The following PBX1 variants were observed in gnomAD, a reference collection of about 807,000 sequenced individuals.
PBX1 encodes PBX homeobox 1, also known as pre-B-cell leukemia transcription factor 1.
A neutral mutation model predicts 53.4 loss-of-function variants in PBX1; 6 were observed. The ratio of observed to expected loss-of-function variants is 0.11; its 90% confidence interval spans 0.06 to 0.22. The LOEUF (loss-of-function observed/expected upper bound fraction) is 0.22, where lower values mean the gene tolerates loss of function less well. Ranked by LOEUF, PBX1 falls within the 10% of genes least tolerant of loss-of-function variation. The pLI is 1.00. For synonymous variants in PBX1, 204 were observed against 212.3 expected (o/e 0.96, Z 0.34); for missense variants, 251 against 551.4 (o/e 0.46, Z 5.46).
chr1:164,627,284 T>C (rs1658109627), intron 2 of PBX1, among the ~76,000 whole-genome samples: 1 of 152,170 alleles, frequency 6.6e-6, no homozygotes, highest in Non-Finnish European at 1.5e-5. Context: ...TAGCCAAAGC[T>C]TTAACTCAGT....
At chr1:164,823,622 G>GT (rs537175736) in intron 8 of PBX1, among the ~76,000 whole-genome samples, 23 of 133,328 alleles carry the variant, frequency 1.7e-4, no homozygotes, top group Non-Finnish European at 9.6e-5. Context: ...GGGGGTGGGG[G>GT]GGGGGGTCAA....
At chr1:164,571,871 T>TTGTATG (rs1215844246) in intron 2 of PBX1, among the ~76,000 whole-genome samples, 2 of 59,962 alleles carry the variant, frequency 3.3e-5, no homozygotes, top group African/African-American at 1.3e-4. Context: ...AATCTGTACA[T>TTGTATG]TGTATATATA....
intron 6 of PBX1, chr1:164,816,592 A>G (rs2102355456): frequency 6.6e-6 from 1 of 152,262 alleles, no homozygotes; most frequent in Non-Finnish European, 1.5e-5. Flanking sequence ...GACATTTGGT[A>G]CTATCTGGAG....
intron 2 of PBX1, among the ~76,000 whole-genome samples, chr1:164,599,823 A>G (rs1656037150): frequency 6.6e-6 from 1 of 152,218 alleles, no homozygotes; most frequent in Admixed American, 6.5e-5. Flanking sequence ...TTTGCTAAGC[A>G]AAGAGCTGGC....
intron 2 of PBX1, among the ~76,000 whole-genome samples, chr1:164,588,104 A>G (rs1051588085): frequency 2.0e-5 from 3 of 152,132 alleles, no homozygotes; most frequent in Non-Finnish European, 4.4e-5. Flanking sequence ...GCGGGCCCCA[A>G]ATGATTGAAT....
intron 2 of PBX1, among the ~76,000 whole-genome samples, chr1:164,568,557 GAATT>G (rs1415438003): frequency 6.6e-6 from 1 of 152,200 alleles, no homozygotes; most frequent in Non-Finnish European, 1.5e-5. Context: ...AATAAGTAGA[GAATT>G]CATGAGTTGT....
intron 2 of PBX1, among the ~76,000 whole-genome samples, chr1:164,783,520 T>A (rs1668029089): frequency 6.6e-6 from 1 of 152,256 alleles, no homozygotes; most frequent in Admixed American, 6.5e-5. Context: ...TCCTGCTTTT[T>A]TATTCTTCCC....
intron 2 of PBX1, among the ~76,000 whole-genome samples, chr1:164,600,684 C>T (rs980971040): frequency 2.0e-5 from 3 of 152,152 alleles, no homozygotes; most frequent in Non-Finnish European, 4.4e-5. Context: ...GTTAAAGCAC[C>T]GGGCTAGTAA....
intron 2 of PBX1, among the ~76,000 whole-genome samples, chr1:164,637,289 A>G (rs1364664539): frequency 2.0e-5 from 3 of 152,222 alleles, no homozygotes; most frequent in African/African-American, 7.2e-5. Flanking sequence ...AACTCTATAT[A>G]GTGCCTCCTA....
chr1:164,629,902 A>G (rs1180593519), intron 2 of PBX1, among the ~76,000 whole-genome samples: 5 of 152,230 alleles, frequency 3.3e-5, no homozygotes, highest in East Asian at 3.8e-4. Context: ...ATGCTTGTAT[A>G]TATGACTACA....
intron 2 of PBX1, among the ~76,000 whole-genome samples, chr1:164,726,150 A>G (rs903195604): frequency 2.6e-5 from 4 of 152,244 alleles, no homozygotes; most frequent in Admixed American, 1.3e-4. Context: ...TGGAATGATC[A>G]GAGTTTGTGC....
chr1:164,778,747 T>A (rs1433205617), intron 2 of PBX1, among the ~76,000 whole-genome samples: 1 of 152,172 alleles, frequency 6.6e-6, no homozygotes, highest in Non-Finnish European at 1.5e-5. Flanking sequence ...GAAATGAAAT[T>A]CTGCAAAAGG....
chr1:164,817,221 A>T (rs1395144603), intron 6 of PBX1: 1 of 152,228 alleles, frequency 6.6e-6, no homozygotes, highest in African/African-American at 2.4e-5. Context: ...CAGCAAGCCA[A>T]GTCTTTCTGT....
At chr1:164,614,359 A>G (rs1255257580) in intron 2 of PBX1, among the ~76,000 whole-genome samples, 1 of 152,162 alleles carries the variant, frequency 6.6e-6, no homozygotes, top group Admixed American at 6.5e-5. Flanking sequence ...CGGTAGTTCT[A>G]AAGTATCTAG....
intron 8 of PBX1, among the ~76,000 whole-genome samples, chr1:164,823,548 T>C (rs1670269869): frequency 6.9e-6 from 1 of 145,952 alleles, no homozygotes; most frequent in South Asian, 2.2e-4. Flanking sequence ...GACACTGCTG[T>C]TATTTGGCGT....
intron 2 of PBX1, among the ~76,000 whole-genome samples, chr1:164,647,795 A>T (rs1346538020): frequency 6.8e-6 from 1 of 146,550 alleles, no homozygotes; most frequent in African/African-American, 2.5e-5. Context: ...GAGCATCTGT[A>T]TTTTCTCAAA....
chr1:164,648,861 G>A (rs1659618921), intron 2 of PBX1, among the ~76,000 whole-genome samples: 1 of 152,216 alleles, frequency 6.6e-6, no homozygotes, highest in Admixed American at 6.5e-5. Context: ...TCTAGCCCCA[G>A]GGGCAGGCTT....
intron 2 of PBX1, among the ~76,000 whole-genome samples, chr1:164,870,591 G>A (rs980724468): frequency 2.6e-5 from 4 of 151,778 alleles, no homozygotes; most frequent in South Asian, 4.2e-4. Flanking sequence ...TGATCCACCC[G>A]CCTTGGCCTC....
chr1:164,663,977 T>C (rs1489336), intron 2 of PBX1, among the ~76,000 whole-genome samples: 1 of 152,036 alleles, frequency 6.6e-6, no homozygotes, highest in Non-Finnish European at 1.5e-5. Context: ...TCAAACAGTC[T>C]CCCCATTTGT....
Sources: allele counts gnomAD v4.1 joint callset (sites outside exome capture counted in the v4.1 genomes callset), GRCh38; gene constraint gnomAD v4.1.1; transcripts MANE v1.5; gene names NCBI Gene and HGNC (gene_info 2026-07-23, HGNC 2026-07-21).